Variants in ATXN7L1 observed in about 807,000 individuals in gnomAD.
ATXN7L1 encodes the protein ataxin-7-like protein 1.
A neutral mutation model predicts 70.8 loss-of-function variants in ATXN7L1; 15 were observed. The ratio of observed to expected loss-of-function variants is 0.21; its 90% confidence interval spans 0.14 to 0.33. The LOEUF is 0.33. Among genes scored for constraint, ATXN7L1 ranks in the 10% least tolerant of loss-of-function variants. The pLI is 1.00. For synonymous variants in ATXN7L1, 440 were observed against 445.1 expected, an observed-to-expected ratio of 0.99 and a Z score of 0.14; for missense variants, 975 against 1,097.1, an observed-to-expected ratio of 0.89 and a Z score of 1.57.
intron 3 of ATXN7L1, among the ~76,000 whole-genome samples, chr7:105,741,449 T>G (rs1798011130): frequency 6.6e-6 from 1 of 152,226 alleles, no homozygotes; most frequent in African/African-American, 2.4e-5. Flanking sequence ...GTGTTTGATT[T>G]TGACACATTT....
intron 5 of ATXN7L1, among the ~76,000 whole-genome samples, chr7:105,641,214 C>CTCTCTCTTTTTTTTTT (rs1316374331): frequency 4.6e-5 from 1 of 21,786 alleles, no homozygotes; most frequent in Non-Finnish European, 8.6e-5. Context: ...CTCTCTCTCT[C>CTCTCTCTTTTTTTTTT]TTTTTTTTTT....
chr7:105,843,002 T>C (rs1285361333), intron 2 of ATXN7L1, among the ~76,000 whole-genome samples: 1 of 152,236 alleles, frequency 6.6e-6, no homozygotes, highest in African/African-American at 2.4e-5. Context: ...CTTTAGGTTC[T>C]TGATATTATG....
chr7:105,642,332 T>G (rs2115925470), intron 5 of ATXN7L1, among the ~76,000 whole-genome samples: 1 of 152,294 alleles, frequency 6.6e-6, no homozygotes, highest in South Asian at 2.1e-4. Flanking sequence ...AGTTGTAAAC[T>G]CAACTGCAGA....
chr7:105,852,306 G>A (rs189036403), intron 2 of ATXN7L1, among the ~76,000 whole-genome samples: 1 of 152,194 alleles, frequency 6.6e-6, no homozygotes, highest in East Asian at 1.9e-4. Flanking sequence ...TCTGACAGAG[G>A]GAGACCCAAT....
intron 2 of ATXN7L1, among the ~76,000 whole-genome samples, chr7:105,821,293 C>T (rs1272858496): frequency 6.6e-6 from 1 of 152,218 alleles, no homozygotes; most frequent in Non-Finnish European, 1.5e-5. Flanking sequence ...CCTGCCTCAG[C>T]CTCCCAAAGT....
At chr7:105,850,738 A>G (rs1459994564) in intron 2 of ATXN7L1, among the ~76,000 whole-genome samples, 1 of 152,132 alleles carries the variant, frequency 6.6e-6, no homozygotes, top group East Asian at 1.9e-4. Flanking sequence ...TTGGAAAGTG[A>G]TCCTCACTTG....
chr7:105,620,223 T>G lies in ATXN7L1; in HGVS notation c.1494A>C (p.Lys498Asn). 1 of 1,551,494 alleles carries G rather than the reference T, an allele frequency of 6.4e-7. No homozygotes were observed. Among genetic ancestry groups the G allele is most frequent in the Non-Finnish European group, 8.7e-7 (1 of 1,146,844 alleles). Residue 498 changes from lysine to asparagine, a missense_variant, in exon 9 of 12, where the codon AAA becomes AAC. Lys to Asn is a moderately conservative substitution (Grantham distance 94). Transcript: ENST00000419735. ...ACTTCCACATCTGTGAATTCAGGTGTTTTTCTACCATGGAGTTTAGTGCGA... is the reference window on the plus strand; with the variant it reads ...ACTTCCACATCTGTGAATTCAGGTGGTTTTCTACCATGGAGTTTAGTGCGA... ...FRFALNSMVE[K>N]HLNSQMWKKI...
rs1478540716 is a variant in ATXN7L1 at position 105,605,562 on chromosome 7, A to T, written c.*2290T>A. The T allele has an allele frequency of 6.7e-6, 1 of 149,428 alleles. No individual in the cohort carries two copies. Among genetic ancestry groups the T allele is most frequent in the African/African-American group, 2.4e-5 (1 of 40,880 alleles). The allele number at this position is 149,428 out of a possible 1,614,324, so 9.3% of individuals were successfully genotyped here. On this transcript the variant is annotated 3_prime_UTR_variant, in exon 12 of 12. Transcript: ENST00000419735. ...TCTAAACCTATTGAATTGCTCCTTT[A>T]GTCCTTGAGACATTATTTCTCAGAA...
At position 105,870,695 on chromosome 7, in the gene ATXN7L1, T is replaced by C. The variant is rs1818130261; in HGVS notation, c.250+5117A>G. On this transcript the variant is annotated intron_variant, in intron 2 of 11. Transcript: ENST00000419735. Reference sequence around the variant, plus strand: ...TTCTAAATCACTGAGAGCTTTTCCCTAATTAGCTTGAAAAAGCTGAGGAGG... The same window carrying C: ...TTCTAAATCACTGAGAGCTTTTCCCCAATTAGCTTGAAAAAGCTGAGGAGG... Among the ~76,000 whole-genome samples, 3 of 152,242 alleles carry C rather than the reference T, an allele frequency of 2.0e-5. No homozygotes were observed. In the South Asian group the frequency reaches 6.2e-4, roughly 32 times the overall value.
At chr7:105,768,722 AG>A (rs1277646949) in intron 3 of ATXN7L1, among the ~76,000 whole-genome samples, 8 of 152,370 alleles carry the variant, frequency 5.3e-5, no homozygotes, top group Non-Finnish European at 1.0e-4. Context: ...AAGCAATGAA[AG>A]GGTAGACTAG....
In ATXN7L1 at chr7:105,750,817, C is replaced by CAA. The variant is rs541238849; in HGVS notation, c.355+37785_355+37786dup. On this transcript the variant is annotated intron_variant, in intron 3 of 11. Coordinates refer to ENST00000419735, the MANE Select transcript of ATXN7L1 (RefSeq NM_020725.2). ...GACTCTGTCTCGAAAAAAACAACAACAAAAAAAGTTACTTTTATCAATCAC... is the reference window on the plus strand; with the variant it reads ...GACTCTGTCTCGAAAAAAACAACAACAAAAAAAAAGTTACTTTTATCAATCAC... 3.9e-5 allele frequency among the ~76,000 whole-genome samples: 6 copies of CAA among 151,948 alleles called. No homozygotes were observed. In the South Asian group the frequency reaches 1.2e-3, roughly 32 times the overall value.
At chr7:105,685,141 A>T (rs1806021279) in intron 3 of ATXN7L1, among the ~76,000 whole-genome samples, 2 of 152,022 alleles carry the variant, frequency 1.3e-5, no homozygotes, top group Admixed American at 1.3e-4. Context: ...CCACATACAG[A>T]CATTAGAAAG....
chr7:105,664,597 G>T, intron 4 of ATXN7L1, among the ~76,000 whole-genome samples: 1 of 125,264 alleles, frequency 8.0e-6, no homozygotes, highest in South Asian at 2.6e-4. Flanking sequence ...ATTTGAGACA[G>T]AGTTTCACTG....
rs112361596 is a variant in ATXN7L1, at chr7:105,631,009, T to C, written c.1203-6742A>G. On this transcript the variant is annotated intron_variant, in intron 7 of 11. Transcript: ENST00000419735. The stretch of plus-strand genomic sequence containing the variant: ...CTACAGTCATTTTGCTATAGGACTT[T>C]GAGGATGAAGCCAAAAGACTGAAGA... 3.3e-3 allele frequency among the ~76,000 whole-genome samples: 506 copies of C among 152,240 alleles called. 4 individuals carry two copies. Among genetic ancestry groups the C allele is most frequent in the African/African-American group, 0.012 (484 of 41,524 alleles).
At chr7:105,779,792 C>A (rs905562077) in intron 3 of ATXN7L1, among the ~76,000 whole-genome samples, 2 of 152,158 alleles carry the variant, frequency 1.3e-5, no homozygotes, top group African/African-American at 4.8e-5. Context: ...GCACAGATTC[C>A]TGTGCTCTTG....
chr7:105,773,954 T>C (rs1802371905), intron 3 of ATXN7L1, among the ~76,000 whole-genome samples: 1 of 152,044 alleles, frequency 6.6e-6, no homozygotes, highest in South Asian at 2.1e-4. Context: ...AGTCCAGTGG[T>C]TTCTTGGCTC....
At chr7:105,618,800 G>T (rs555718559) in intron 9 of ATXN7L1, among the ~76,000 whole-genome samples, 1 of 152,144 alleles carries the variant, frequency 6.6e-6, no homozygotes, top group Non-Finnish European at 1.5e-5. Context: ...CCAGTGGGCC[G>T]GCCTTACATT....
At chr7:105,770,620 C>T (rs972072885) in intron 3 of ATXN7L1, among the ~76,000 whole-genome samples, 13 of 152,140 alleles carry the variant, frequency 8.5e-5, no homozygotes, top group Admixed American at 2.0e-4. Flanking sequence ...GGTGGAGGGA[C>T]TTCACAGAGC....
chr7:105,614,074 C>A lies in ATXN7L1; in HGVS notation c.2260G>T (p.Ala754Ser). 1 of 1,551,752 alleles carries A rather than the reference C, an allele frequency of 6.4e-7. No homozygotes were observed. The highest frequency in any genetic ancestry group is 1.2e-5 in the South Asian group (1 of 84,052). The change falls in exon 10 of 12, where the codon GCA (alanine) becomes TCA (serine). Residue 754 changes from alanine to serine, a missense_variant. Ala to Ser is a moderately conservative substitution (Grantham distance 99). Around this residue, in one of 5 missense-constraint regions of ATXN7L1, gnomAD observed 635 missense variants for 699.4 expected, o/e 0.91. Coordinates refer to ENST00000419735, the MANE Select transcript of ATXN7L1 (RefSeq NM_020725.2). The surrounding 1 kb of genome is among the most constrained non-coding windows in gnomAD (Gnocchi z 4.3). The part of the protein sequence containing the change: ...PLSVPSLALH[A>S]GDLSLASHNA... ...TGTGAGGCCAGAGAGAGGTCCCCTG[C>A]GTGGAGCGCAAGGGAGGGCACAGAG...
Sources: allele counts gnomAD v4.1 joint callset (sites outside exome capture counted in the v4.1 genomes callset), GRCh38; gene constraint gnomAD v4.1.1; regional missense constraint gnomAD v4.1.1; non-coding constraint Gnocchi (gnomAD v3.1); transcripts MANE v1.5; gene names NCBI Gene and HGNC (gene_info 2026-07-23, HGNC 2026-07-21).